ZNF385D: variants seen among roughly 807,000 people sequenced by gnomAD.
ZNF385D encodes zinc finger protein 385D, also known as zinc finger protein 659.
In ZNF385D, 15 loss-of-function variants were observed where a neutral mutation model predicts 35.8. The observed-to-expected ratio is 0.42, with a 90% CI of 0.28 to 0.64. The LOEUF (loss-of-function observed/expected upper bound fraction) is 0.64. ZNF385D is among the 30% of genes least tolerant of loss of function. The pLI, the probability that ZNF385D is intolerant of heterozygous loss-of-function variation, is 0.23. For missense variants in ZNF385D, 474 were observed against 494.6 expected, an observed-to-expected ratio of 0.96 and a Z score of 0.39; for synonymous variants, 212 against 186.8, an observed-to-expected ratio of 1.13 and a Z score of -1.10.
chr3:21,853,375 AGAAATAATAT>A (rs1235320879), intron 3 of ZNF385D, among the ~76,000 whole-genome samples: 1 of 151,882 alleles, frequency 6.6e-6, no homozygotes, highest in Non-Finnish European at 1.5e-5. Flanking sequence ...CTATTAGATC[AGAAATAATAT>A]GTTCAGTAAG....
At chr3:21,732,038 T>G (rs6763167) in intron 1 of ZNF385D, among the ~76,000 whole-genome samples, 342 of 16,544 alleles carry the variant, frequency 0.021, 112 homozygotes, top group African/African-American at 0.046. Flanking sequence ...GGGTTTTTTT[T>G]TTTTTTTTTT....
chr3:21,581,233 C>T (rs1454017064), intron 2 of ZNF385D, among the ~76,000 whole-genome samples: 1 of 152,120 alleles, frequency 6.6e-6, no homozygotes, highest in Non-Finnish European at 1.5e-5. Flanking sequence ...TTTATTGTCT[C>T]CTTTTCTTTT....
At chr3:22,317,416 G>C (rs1033436116) in intron 2 of ZNF385D, among the ~76,000 whole-genome samples, 1 of 151,782 alleles carries the variant, frequency 6.6e-6, no homozygotes, top group Non-Finnish European at 1.5e-5. Flanking sequence ...AAAAGAGACT[G>C]GGAGTCATCA....
At chr3:22,225,687 A>C (rs143704890) in intron 2 of ZNF385D, among the ~76,000 whole-genome samples, 2 of 152,150 alleles carry the variant, frequency 1.3e-5, no homozygotes, top group Non-Finnish European at 2.9e-5. Context: ...CTTTACTAAT[A>C]GTTTCTGGAT....
intron 3 of ZNF385D, among the ~76,000 whole-genome samples, chr3:21,775,619 T>G (rs1259772992): frequency 1.3e-5 from 2 of 151,940 alleles, no homozygotes; most frequent in African/African-American, 4.8e-5. Flanking sequence ...CTTATCATGA[T>G]GATTTCGGTT....
intron 3 of ZNF385D, among the ~76,000 whole-genome samples, chr3:21,867,865 C>T (rs1697458416): frequency 6.6e-6 from 1 of 151,998 alleles, no homozygotes; most frequent in African/African-American, 2.4e-5. Flanking sequence ...CACTCTTGAA[C>T]ACTTAAAATG....
chr3:21,942,754 T>A (rs963935799), intron 3 of ZNF385D: 1 of 152,208 alleles, frequency 6.6e-6, no homozygotes, highest in Non-Finnish European at 1.5e-5. Flanking sequence ...GGAAACAATT[T>A]AAAGATGTAG....
At chr3:21,458,271 G>A (rs746308757) in intron 4 of ZNF385D, among the ~76,000 whole-genome samples, 1 of 150,372 alleles carries the variant, frequency 6.7e-6, no homozygotes, top group African/African-American at 2.5e-5. Context: ...CCAAGAGTTC[G>A]AGACCAGCCT....
chr3:22,130,781 G>A (rs1341101282), intron 3 of ZNF385D, among the ~76,000 whole-genome samples: 4 of 152,102 alleles, frequency 2.6e-5, no homozygotes, highest in Non-Finnish European at 4.4e-5. Flanking sequence ...TACCATGATT[G>A]CTCACCAGAT....
chr3:21,962,542 G>C (rs982536331), intron 3 of ZNF385D, among the ~76,000 whole-genome samples: 1 of 152,194 alleles, frequency 6.6e-6, no homozygotes, highest in Non-Finnish European at 1.5e-5. Flanking sequence ...GCTTTGTAGA[G>C]AGAATTAGTT....
intron 3 of ZNF385D, among the ~76,000 whole-genome samples, chr3:21,514,828 A>T (rs145810598): frequency 1.3e-5 from 2 of 152,040 alleles, no homozygotes; most frequent in Non-Finnish European, 2.9e-5. Context: ...TAATTTGTCT[A>T]TAGTTTTTCT....
At chr3:22,134,641 G>C (rs529269210) in intron 3 of ZNF385D, among the ~76,000 whole-genome samples, 1 of 152,166 alleles carries the variant, frequency 6.6e-6, no homozygotes, top group South Asian at 2.1e-4. Context: ...AGTTCATTTT[G>C]TGCTACTACA....
chr3:21,831,480 C>G lies in ZNF385D; in HGVS notation c.326-166452G>C, dbSNP rs34596680. 5.1e-3 allele frequency among the ~76,000 whole-genome samples: 781 copies of G among 152,292 alleles called. 1 individual carries two copies. Among genetic ancestry groups the G allele is most frequent in the Middle Eastern group, 0.01 (3 of 294 alleles). ...TAGACTGGGAATAAGAAATCCTTAG[C>G]TTTGTTCCAAGCTAGTGGCGGTGCT... On this transcript the variant is annotated intron_variant, in intron 3 of 5. Transcript: ENST00000494108.
chr3:21,863,864 A>G (rs1697189054), intron 3 of ZNF385D, among the ~76,000 whole-genome samples: 1 of 152,148 alleles, frequency 6.6e-6, no homozygotes, highest in Admixed American at 6.6e-5. Context: ...CCTCTATAAA[A>G]TATGAACATA....
chr3:21,549,751 C>T (rs1487929899), intron 3 of ZNF385D, among the ~76,000 whole-genome samples: 3 of 152,114 alleles, frequency 2.0e-5, no homozygotes, highest in African/African-American at 7.2e-5. Context: ...GTGCTCAGGC[C>T]AAAGCTCAAA....
In ZNF385D at chr3:22,037,224, C is replaced by A. The variant is rs1215360240; in HGVS notation, c.325+131593G>T. 6.1e-5 allele frequency among the ~76,000 whole-genome samples: 9 copies of A among 146,428 alleles called. No individual in the cohort carries two copies. In the East Asian group the frequency reaches 1.7e-3, roughly 28 times the overall value. ...TGTTTTATAATCCTTTGGGTATATACCCAGGAATGGGATGGCTGGGTCAAA... is the reference window on the plus strand; with the variant it reads ...TGTTTTATAATCCTTTGGGTATATAACCAGGAATGGGATGGCTGGGTCAAA... On this transcript the variant is annotated intron_variant, in intron 3 of 5. Coordinates refer to the ZNF385D transcript ENST00000494108.
rs565675454 is a variant in ZNF385D, at chr3:22,274,493, C to G, written c.106+97957G>C. ...AGGCTCTGAGGAAGCATGGATAATT[C>G]GACTTCCTATAAATCACTTATGATT... On this transcript the variant is annotated intron_variant, in intron 2 of 5. Coordinates refer to the ZNF385D transcript ENST00000494108. 3.3e-5 allele frequency among the ~76,000 whole-genome samples: 5 copies of G among 151,882 alleles called. No individual in the cohort carries two copies. The South Asian group carries it at 1.0e-3, about 32-fold the overall frequency.
At chr3:21,585,314 C>G (rs1444195293) in intron 2 of ZNF385D, among the ~76,000 whole-genome samples, 1 of 152,078 alleles carries the variant, frequency 6.6e-6, no homozygotes, top group African/African-American at 2.4e-5. Context: ...TCTGGGAACT[C>G]TTAGTGAGAG....
chr3:21,817,453 C>T (rs2073201322), intron 3 of ZNF385D, among the ~76,000 whole-genome samples: 1 of 152,116 alleles, frequency 6.6e-6, no homozygotes, highest in Admixed American at 6.6e-5. Flanking sequence ...GGGCTAATAT[C>T]CAGAATCTAC....
Sources: gnomAD v4.1 joint callset for allele counts (sites outside exome capture counted in the v4.1 genomes callset) on GRCh38, gnomAD v4.1.1 for gene constraint, MANE v1.5 for transcripts, NCBI Gene and HGNC (gene_info 2026-07-23, HGNC 2026-07-21) for gene names.